PCDH15: variants seen among roughly 807,000 people sequenced by gnomAD.
PCDH15 encodes the protein protocadherin-15.
PCDH15 carries 129 observed loss-of-function variants against 178.5 expected under a neutral mutation model. The ratio of observed to expected loss-of-function variants is 0.72; its 90% confidence interval spans 0.63 to 0.84. The LOEUF (loss-of-function observed/expected upper bound fraction) is 0.84. PCDH15 is among the 40% of genes least tolerant of loss of function. The pLI, the probability that PCDH15 is intolerant of heterozygous loss-of-function variation, is 0.00. For synonymous variants in PCDH15, 800 were observed against 732.0 expected (o/e 1.09, Z -1.50); for missense variants, 2,230 against 2,099.9 (o/e 1.06, Z -1.21).
chr10:55,597,411 C>G (rs945499058), intron 2 of PCDH15, among the ~76,000 whole-genome samples: 2 of 152,066 alleles, frequency 1.3e-5, no homozygotes, highest in African/African-American at 4.8e-5. Context: ...TGCCGACCCC[C>G]AGAAACAAGA....
intron 21 of PCDH15, among the ~76,000 whole-genome samples, chr10:53,987,718 G>C (rs1027989791): frequency 2.0e-5 from 3 of 152,088 alleles, no homozygotes; most frequent in African/African-American, 7.2e-5. Context: ...GCCGCCCATG[G>C]GTTCCTAATC....
At chr10:54,456,819 T>C (rs993363116) in intron 3 of PCDH15, among the ~76,000 whole-genome samples, 2 of 152,116 alleles carry the variant, frequency 1.3e-5, no homozygotes, top group African/African-American at 4.8e-5. Flanking sequence ...GTTGTTCTTA[T>C]GACAGTGAGT....
chr10:54,380,660 T>TGCTCC (rs1392021611), intron 3 of PCDH15, among the ~76,000 whole-genome samples: 29 of 63,902 alleles, frequency 4.5e-4, no homozygotes, highest in Non-Finnish European at 8.2e-4. Context: ...TATATATATA[T>TGCTCC]ATATATATAT....
intron 26 of PCDH15, among the ~76,000 whole-genome samples, chr10:53,895,192 T>A (rs894224258): frequency 1.5e-4 from 23 of 152,138 alleles, no homozygotes; most frequent in Non-Finnish European, 2.9e-4. Flanking sequence ...CTAGAAACAT[T>A]ATGTATTACC....
In PCDH15 at chr10:54,277,622, T is replaced by A. The variant is rs115518436; in HGVS notation, c.876+39649A>T. On this transcript the variant is annotated intron_variant, in intron 8 of 37. Coordinates refer to ENST00000644397, the MANE Select transcript of PCDH15 (RefSeq NM_001384140.1). ...CAGTGTTGTTTACCCGAAATTCAAA[T>A]TTAACTGGTTTTCTGTGTTTTACCT... 6.7e-3 allele frequency among the ~76,000 whole-genome samples: 1,012 copies of A among 151,806 alleles called. 15 individuals are homozygous for A. Among genetic ancestry groups the A allele is most frequent in the African/African-American group, 0.023 (967 of 41,516 alleles).
At chr10:55,141,199 G>T (rs1360082253) in intron 2 of PCDH15, among the ~76,000 whole-genome samples, 3 of 151,866 alleles carry the variant, frequency 2.0e-5, no homozygotes, top group African/African-American at 4.8e-5. Flanking sequence ...AAATGTAGCA[G>T]CTCAACTAAT....
chr10:55,033,537 T>C (rs1236795020), intron 2 of PCDH15, among the ~76,000 whole-genome samples: 2 of 152,200 alleles, frequency 1.3e-5, no homozygotes, highest in East Asian at 3.9e-4. Flanking sequence ...TATAAACGAC[T>C]GTCTTGTGTC....
At chr10:54,366,524 A>G (rs994535542) in intron 5 of PCDH15, among the ~76,000 whole-genome samples, 4 of 152,184 alleles carry the variant, frequency 2.6e-5, no homozygotes, top group African/African-American at 9.6e-5. Flanking sequence ...TCTAATTTTA[A>G]TGTATCTTCC....
intron 3 of PCDH15, among the ~76,000 whole-genome samples, chr10:54,889,730 T>TATG (rs1365173341): frequency 6.6e-6 from 1 of 151,460 alleles, no homozygotes; most frequent in East Asian, 1.9e-4. Context: ...GAGAGGCAGA[T>TATG]ATGAGGGACA....
At chr10:55,015,872 T>C (rs1840162189) in intron 2 of PCDH15, among the ~76,000 whole-genome samples, 1 of 151,938 alleles carries the variant, frequency 6.6e-6, no homozygotes, top group East Asian at 1.9e-4. Flanking sequence ...TGTTTTGGAA[T>C]TTTTCAGAAC....
intron 1 of PCDH15, among the ~76,000 whole-genome samples, chr10:55,196,828 G>A (rs1840105793): frequency 6.6e-6 from 1 of 151,774 alleles, no homozygotes; most frequent in East Asian, 1.9e-4. Flanking sequence ...TTTAAATTAT[G>A]ACAATGCTTT....
Position 55,275,411 on chromosome 10 carries a change from T to A in PCDH15, c.-156+44188A>T, listed in dbSNP as rs1437909498. The stretch of plus-strand genomic sequence containing the variant: ...TAAGAAATTCTTCCCAATATCTCTA[T>A]TGCACATGTATCAATTTGTTCTTCT... On this transcript the variant is annotated intron_variant, in intron 1 of 5. Coordinates refer to the PCDH15 transcript ENST00000458638. Among the ~76,000 whole-genome samples, 3 of 152,072 alleles carry A rather than the reference T, an allele frequency of 2.0e-5. No individual in the cohort carries two copies. In the East Asian group the frequency reaches 5.8e-4, roughly 29 times the overall value.
At chr10:54,563,901 C>T (rs2088600572) in intron 2 of PCDH15, among the ~76,000 whole-genome samples, 1 of 152,094 alleles carries the variant, frequency 6.6e-6, no homozygotes, top group Non-Finnish European at 1.5e-5. Context: ...AAAAAACAAA[C>T]ATTCGACTTC....
At position 53,814,027 on chromosome 10, in the gene PCDH15, T is replaced by C. The variant is rs145255096; in HGVS notation, c.4491+2212A>G. On this transcript the variant is annotated intron_variant, in intron 35 of 37. Transcript: ENST00000644397. ...GGAAGGAATGAGGTTAAGAAAGACC[T>C]GGAAGAAACTGAGACAAAAAGTCTA... Among the ~76,000 whole-genome samples the C allele has an allele frequency of 5.7e-3, 860 of 152,212 alleles. 8 individuals carry two copies. Among genetic ancestry groups the C allele is most frequent in the African/African-American group, 0.02 (816 of 41,548 alleles).
Position 54,004,426 on chromosome 10 carries a change from C to CACACACACACACACA in PCDH15, c.2752-8662_2752-8661insTGTGTGTGTGTGTGT, listed in dbSNP as rs35001487. On this transcript the variant is annotated intron_variant, in intron 20 of 37. Coordinates refer to ENST00000644397, the MANE Select transcript of PCDH15 (RefSeq NM_001384140.1). ...ACACACACACACACACACACACACA[C>CACACACACACACACA]CACACAAAGTATTAGAACTGATAAA... is the stretch of plus-strand genomic sequence containing the variant. 2.2e-3 allele frequency among the ~76,000 whole-genome samples: 217 copies of CACACACACACACACA among 96,932 alleles called. 3 individuals carry two copies. Among genetic ancestry groups the CACACACACACACACA allele is most frequent in the African/African-American group, 5.3e-3 (195 of 36,566 alleles). 63.6% of individuals were successfully genotyped at this position (96,932 alleles called of 152,430 possible). A position where few individuals can be genotyped will look rare whatever the true frequency, so the allele number is the denominator to read the frequency against.
intron 1 of PCDH15, among the ~76,000 whole-genome samples, chr10:54,736,954 G>T (rs1220766854): frequency 6.6e-6 from 1 of 151,928 alleles, no homozygotes; most frequent in African/African-American, 2.4e-5. Context: ...TCTTTCCAGG[G>T]GGGACAAAAT....
At chr10:55,492,554 GTCAA>G (rs1163743102) in intron 2 of PCDH15, among the ~76,000 whole-genome samples, 1 of 151,778 alleles carries the variant, frequency 6.6e-6, no homozygotes, top group African/African-American at 2.4e-5. Flanking sequence ...TAAACAAATA[GTCAA>G]GCAGGTAACA....
At chr10:55,188,804 T>C (rs547999768) in intron 1 of PCDH15, among the ~76,000 whole-genome samples, 1 of 152,046 alleles carries the variant, frequency 6.6e-6, no homozygotes, top group East Asian at 1.9e-4. Context: ...ACTAATTTCT[T>C]ATTATTTCAA....
chr10:53,997,993 C>T (rs1024517448), intron 20 of PCDH15, among the ~76,000 whole-genome samples: 1 of 152,114 alleles, frequency 6.6e-6, no homozygotes, highest in Non-Finnish European at 1.5e-5. Context: ...AAATGCAATT[C>T]CAACAAGCAT....
Sources: allele counts gnomAD v4.1 joint callset (sites outside exome capture counted in the v4.1 genomes callset), GRCh38; gene constraint gnomAD v4.1.1; transcripts MANE v1.5; gene names NCBI Gene and HGNC (gene_info 2026-07-23, HGNC 2026-07-21).